STXBP5L: variants seen among roughly 807,000 people sequenced by gnomAD.
STXBP5L encodes syntaxin-binding protein 5-like.
A neutral mutation model predicts 144.5 loss-of-function variants in STXBP5L; 65 were observed. The observed-to-expected ratio is 0.45, with a 90% CI of 0.37 to 0.55. The LOEUF is 0.55. Among genes scored for constraint, STXBP5L ranks in the 20% least tolerant of loss-of-function variants. STXBP5L has a pLI of 0.00. For synonymous variants in STXBP5L, 505 were observed against 469.6 expected, an observed-to-expected ratio of 1.08 and a Z score of -0.97; for missense variants, 1,298 against 1,405.5, an observed-to-expected ratio of 0.92 and a Z score of 1.22.
At chr3:121,071,710 G>A (rs2041819416) in intron 5 of STXBP5L, among the ~76,000 whole-genome samples, 2 of 152,242 alleles carry the variant, frequency 1.3e-5, no homozygotes, top group African/African-American at 4.8e-5. Context: ...TACTGCATCT[G>A]TGAGGCTAAC....
In STXBP5L at chr3:121,045,474, T is replaced by A. The variant is rs762178563; in HGVS notation, c.409T>A (p.Leu137Met). 13 of 1,613,384 alleles carry A rather than the reference T, an allele frequency of 8.1e-6. No homozygotes were observed. The South Asian group carries it at 1.4e-4, about 18-fold the overall frequency. Residue 137 changes from leucine (L) to methionine (M), a missense_variant, in exon 5 of 27, where the codon TTG (leucine) becomes ATG (methionine). Transcript: ENST00000471454. Reference protein sequence around the residue: ...VSASSDDTLHLWNLRQKRPAI... With the variant: ...VSASSDDTLHMWNLRQKRPAI... Reference sequence around the variant, plus strand: ...TGCAAGTTCAGATGATACACTTCATTTGTGGAACCTTAGACAAAAAAGGCC... The same window carrying A: ...TGCAAGTTCAGATGATACACTTCATATGTGGAACCTTAGACAAAAAAGGCC...
chr3:121,101,380 A>C (rs1176672586), intron 5 of STXBP5L, among the ~76,000 whole-genome samples: 1 of 152,188 alleles, frequency 6.6e-6, no homozygotes, highest in Non-Finnish European at 1.5e-5. Context: ...AACACAACAA[A>C]AAGTTAATTC....
At chr3:121,298,107 A>G (rs1366770079) in intron 19 of STXBP5L, among the ~76,000 whole-genome samples, 2 of 152,140 alleles carry the variant, frequency 1.3e-5, no homozygotes, top group Non-Finnish European at 2.9e-5. Context: ...ATAGTGCACA[A>G]TGATTCCAAT....
chr3:121,006,354 A>T (rs545021647), intron 3 of STXBP5L, among the ~76,000 whole-genome samples: 2 of 152,086 alleles, frequency 1.3e-5, no homozygotes, highest in African/African-American at 2.4e-5. Context: ...AGTCTGTTTT[A>T]TCAGAGACTA....
chr3:121,353,814 A>T (rs933077298), intron 20 of STXBP5L, among the ~76,000 whole-genome samples: 2 of 151,846 alleles, frequency 1.3e-5, no homozygotes, highest in Non-Finnish European at 2.9e-5. Context: ...TCTCTTGTGG[A>T]CATTTAGTGC....
intron 9 of STXBP5L, among the ~76,000 whole-genome samples, chr3:121,163,073 A>G (rs2046377946): frequency 6.6e-6 from 1 of 152,250 alleles, no homozygotes; most frequent in South Asian, 2.1e-4. Flanking sequence ...ATTACTGGAT[A>G]TATATCCAAA....
chr3:121,300,046 C>G (rs1306741148), intron 19 of STXBP5L, among the ~76,000 whole-genome samples: 1 of 150,540 alleles, frequency 6.6e-6, no homozygotes, highest in Non-Finnish European at 1.5e-5. Flanking sequence ...TAAAACCAAC[C>G]TACAAGAGAA....
chr3:121,137,686 G>A (rs932816131), intron 7 of STXBP5L, among the ~76,000 whole-genome samples: 2 of 151,986 alleles, frequency 1.3e-5, no homozygotes, highest in African/African-American at 4.8e-5. Context: ...AAACCATATG[G>A]TCATTTTAAT....
intron 3 of STXBP5L, among the ~76,000 whole-genome samples, chr3:120,976,542 C>T (rs1941045981): frequency 6.6e-6 from 1 of 152,102 alleles, no homozygotes; most frequent in Non-Finnish European, 1.5e-5. Context: ...GTCTCTATCT[C>T]CTTCAGTTCT....
intron 2 of STXBP5L, among the ~76,000 whole-genome samples, chr3:120,945,438 C>T (rs1196616174): frequency 6.6e-6 from 1 of 151,530 alleles, no homozygotes; most frequent in Non-Finnish European, 1.5e-5. Flanking sequence ...TTAAGTGAAA[C>T]CTGGTACAAT....
intron 3 of STXBP5L, among the ~76,000 whole-genome samples, chr3:121,001,953 A>T (rs1182050700): frequency 1.3e-5 from 2 of 152,204 alleles, no homozygotes; most frequent in East Asian, 3.9e-4. Context: ...TTATCCATTC[A>T]TCCATTGACA....
chr3:121,188,290 A>C (rs2047485673), intron 9 of STXBP5L, among the ~76,000 whole-genome samples: 1 of 152,178 alleles, frequency 6.6e-6, no homozygotes, highest in Non-Finnish European at 1.5e-5. Flanking sequence ...TTGAAAGTAA[A>C]GCACTCCTCA....
chr3:121,152,909 C>T (rs1333891495), intron 8 of STXBP5L, among the ~76,000 whole-genome samples: 1 of 152,086 alleles, frequency 6.6e-6, no homozygotes, highest in Non-Finnish European at 1.5e-5. Context: ...CTCCATGCTA[C>T]GTTGTGCCTC....
intron 3 of STXBP5L, among the ~76,000 whole-genome samples, chr3:121,017,884 C>T (rs999871515): frequency 1.6e-4 from 25 of 151,912 alleles, no homozygotes; most frequent in Admixed American, 9.8e-4. Context: ...CAAGTCTGGC[C>T]CGGGGCAATG....
intron 2 of STXBP5L, among the ~76,000 whole-genome samples, chr3:120,947,318 C>G (rs1420277587): frequency 1.3e-5 from 2 of 151,736 alleles, no homozygotes; most frequent in Non-Finnish European, 2.9e-5. Context: ...TTTTTTCCTA[C>G]TGCATCTATA....
At chr3:121,256,934 T>G (rs2050224799) in intron 16 of STXBP5L, among the ~76,000 whole-genome samples, 1 of 151,936 alleles carries the variant, frequency 6.6e-6, no homozygotes, top group Non-Finnish European at 1.5e-5. Flanking sequence ...TTACATTTTT[T>G]GTGATTGCCA....
intron 3 of STXBP5L, among the ~76,000 whole-genome samples, chr3:121,035,803 C>A (rs1177459653): frequency 6.6e-6 from 1 of 152,098 alleles, no homozygotes; most frequent in Non-Finnish European, 1.5e-5. Flanking sequence ...GAAGTATTGT[C>A]ATTTTAATGA....
At chr3:121,383,794 T>G (rs1468598103) in intron 22 of STXBP5L, among the ~76,000 whole-genome samples, 1 of 152,146 alleles carries the variant, frequency 6.6e-6, no homozygotes, top group African/African-American at 2.4e-5. Flanking sequence ...TCACTCTCCT[T>G]GCCATATTTA....
intron 7 of STXBP5L, among the ~76,000 whole-genome samples, chr3:121,134,029 C>T (rs1465552732): frequency 6.6e-6 from 1 of 152,180 alleles, no homozygotes; most frequent in Non-Finnish European, 1.5e-5. Context: ...CAAACCATAT[C>T]AGCTCTCTTA....
Sources: allele counts gnomAD v4.1 joint callset (sites outside exome capture counted in the v4.1 genomes callset), GRCh38; gene constraint gnomAD v4.1.1; transcripts MANE v1.5; gene names NCBI Gene and HGNC (gene_info 2026-07-23, HGNC 2026-07-21).